NCKAP5: variants seen among roughly 807,000 people sequenced by gnomAD.
NCKAP5 encodes the protein nck-associated protein 5.
Under a neutral mutation model 167.0 loss-of-function variants are expected in NCKAP5, and 92 were observed. The ratio of observed to expected loss-of-function variants is 0.55; its 90% CI spans 0.47 to 0.66. The LOEUF is 0.66. Among genes scored for constraint, NCKAP5 ranks in the 30% least tolerant of loss-of-function variants. The probability of loss-of-function intolerance (pLI) is 0.00; values close to 1 mark genes in which losing one functional copy is unlikely to be tolerated. For synonymous variants in NCKAP5, 891 were observed against 877.4 expected (o/e 1.02, Z -0.27); for missense variants, 2,378 against 2,315.0 (o/e 1.03, Z -0.56).
intron 5 of NCKAP5, among the ~76,000 whole-genome samples, chr2:133,208,687 A>G (rs2086070972): frequency 6.6e-6 from 1 of 152,228 alleles, no homozygotes; most frequent in South Asian, 2.1e-4. Flanking sequence ...TAGTGTATCA[A>G]TATTAGCTCA....
At chr2:133,256,178 T>C (rs900112807) in intron 4 of NCKAP5, among the ~76,000 whole-genome samples, 3 of 152,194 alleles carry the variant, frequency 2.0e-5, no homozygotes, top group Non-Finnish European at 2.9e-5. Flanking sequence ...AATCTAACAC[T>C]AATATGTACA....
intron 16 of NCKAP5, among the ~76,000 whole-genome samples, chr2:132,739,241 T>C (rs549296929): frequency 2.3e-4 from 35 of 152,302 alleles, no homozygotes; most frequent in African/African-American, 8.2e-4. Context: ...TTCTTACGGA[T>C]CCAATTTCAC....
chr2:133,291,829 C>T (rs1574620426), intron 4 of NCKAP5, among the ~76,000 whole-genome samples: 1 of 152,216 alleles, frequency 6.6e-6, no homozygotes, highest in Admixed American at 6.5e-5. Flanking sequence ...CTTTTCATTT[C>T]CATTAACCTA....
chr2:132,809,854 A>T (rs1287286354), intron 11 of NCKAP5, among the ~76,000 whole-genome samples: 1 of 151,816 alleles, frequency 6.6e-6, no homozygotes, highest in Non-Finnish European at 1.5e-5. Flanking sequence ...TTTGCTTTTT[A>T]ACTTGTATTT....
chr2:133,407,241 T>C (rs1688496051), intron 3 of NCKAP5, among the ~76,000 whole-genome samples: 1 of 152,230 alleles, frequency 6.6e-6, no homozygotes, highest in African/African-American at 2.4e-5. Context: ...TCAAGTTTTC[T>C]TAGGAACACA....
intron 6 of NCKAP5, among the ~76,000 whole-genome samples, chr2:133,029,018 A>G (rs1396504337): frequency 1.3e-5 from 2 of 152,216 alleles, no homozygotes; most frequent in Non-Finnish European, 2.9e-5. Flanking sequence ...CCAGAAGCAG[A>G]TGCCACTATG....
chr2:133,223,586 T>A (rs2150215256), intron 4 of NCKAP5, among the ~76,000 whole-genome samples: 1 of 152,250 alleles, frequency 6.6e-6, no homozygotes, highest in African/African-American at 2.4e-5. Context: ...TTAGAAAACT[T>A]TTAGAGCCGC....
intron 3 of NCKAP5, among the ~76,000 whole-genome samples, chr2:133,329,262 G>A (rs903020830): frequency 3.9e-5 from 6 of 152,142 alleles, no homozygotes; most frequent in African/African-American, 1.4e-4. Flanking sequence ...CAGGCCTGTG[G>A]AGGGGGCAGG....
At chr2:133,169,550 C>G (rs866257846) in intron 5 of NCKAP5, among the ~76,000 whole-genome samples, 10 of 152,208 alleles carry the variant, frequency 6.6e-5, no homozygotes, top group African/African-American at 2.4e-4. Flanking sequence ...TAACCCAGGA[C>G]TGCTGCCATA....
intron 13 of NCKAP5, 31 bp from the exon 14 acceptor site, chr2:132,785,749 T>C (rs979845751): frequency 6.9e-6 from 10 of 1,453,418 alleles, no homozygotes; most frequent in East Asian, 2.4e-5. Context: ...TCAGAAATGA[T>C]TGAACCATGT....
At chr2:132,854,464 T>C (rs1040648029) in intron 11 of NCKAP5, among the ~76,000 whole-genome samples, 5 of 152,198 alleles carry the variant, frequency 3.3e-5, no homozygotes, top group African/African-American at 1.2e-4. Context: ...CTCCAAAGCA[T>C]ATGAATTTAG....
intron 11 of NCKAP5, among the ~76,000 whole-genome samples, chr2:132,842,221 C>T (rs777257802): frequency 6.6e-6 from 1 of 152,102 alleles, no homozygotes; most frequent in African/African-American, 2.4e-5. Flanking sequence ...TTTGTTAGGA[C>T]AGACATGATG....
intron 6 of NCKAP5, among the ~76,000 whole-genome samples, chr2:133,015,721 C>T (rs528127241): frequency 3.9e-5 from 6 of 152,274 alleles, no homozygotes; most frequent in Admixed American, 2.6e-4. Flanking sequence ...AAGACCCAGT[C>T]TCTACTCAAA....
At chr2:133,515,771 G>A (rs1052709398) in intron 3 of NCKAP5, among the ~76,000 whole-genome samples, 2 of 152,174 alleles carry the variant, frequency 1.3e-5, no homozygotes, top group African/African-American at 2.4e-5. Context: ...AAGTACCTAC[G>A]ATCCCCATTG....
chr2:132,691,610 G>A (rs577940585), intron 19 of NCKAP5, among the ~76,000 whole-genome samples: 102 of 152,156 alleles, frequency 6.7e-4, no homozygotes, highest in Non-Finnish European at 1.2e-3. Context: ...GACAAGCACC[G>A]CCATTTTAAA....
chr2:132,736,620 A>T (rs889319551), intron 16 of NCKAP5, among the ~76,000 whole-genome samples: 6 of 141,094 alleles, frequency 4.3e-5, no homozygotes, highest in African/African-American at 1.5e-4. Context: ...CTCTACTAAA[A>T]ATACAAAAAA....
At chr2:132,963,980 G>T (rs2076591899) in intron 7 of NCKAP5, 111 bp from the exon 8 acceptor site, 1 of 1,234,000 alleles carries the variant, frequency 8.1e-7, no homozygotes, top group Non-Finnish European at 1.1e-6. Context: ...TTCCGGGGCT[G>T]GGAGTTTGCT....
At chr2:132,747,964 A>G (rs1679789757) in intron 16 of NCKAP5, among the ~76,000 whole-genome samples, 1 of 152,148 alleles carries the variant, frequency 6.6e-6, no homozygotes, top group African/African-American at 2.4e-5. Flanking sequence ...TTTACCAAGC[A>G]TTCTGAATCA....
At chr2:133,507,873 T>C (rs1683149949) in intron 3 of NCKAP5, among the ~76,000 whole-genome samples, 1 of 152,078 alleles carries the variant, frequency 6.6e-6, no homozygotes, top group African/African-American at 2.4e-5. Context: ...ATGAACCCTA[T>C]GGATGTCTAA....
Sources: gnomAD v4.1 joint callset for allele counts (sites outside exome capture counted in the v4.1 genomes callset) on GRCh38, gnomAD v4.1.1 for gene constraint, MANE v1.5 for transcripts, NCBI Gene and HGNC (gene_info 2026-07-23, HGNC 2026-07-21) for gene names.